The following VPS13C variants were observed in gnomAD, a reference collection of about 807,000 sequenced individuals.
The protein encoded by VPS13C is intermembrane lipid transfer protein VPS13C.
In VPS13C, 358 loss-of-function variants were observed where a neutral mutation model predicts 456.8. The ratio of observed to expected loss-of-function variants is 0.78; its 90% confidence interval spans 0.72 to 0.86. The LOEUF is 0.86. Among genes scored for constraint, VPS13C ranks in the 40% least tolerant of loss-of-function variants. The pLI is 0.00. For missense variants in VPS13C, 4,818 were observed against 4,385.4 expected (o/e 1.10, Z -2.79); for synonymous variants, 1,578 against 1,486.7 (o/e 1.06, Z -1.41).
chr15:62,024,457 T>C (rs948477988), intron 6 of VPS13C, among the ~76,000 whole-genome samples: 1 of 152,080 alleles, frequency 6.6e-6, no homozygotes, highest in Admixed American at 6.6e-5. Flanking sequence ...CATTCTGGCA[T>C]TTACCAATAC....
At chr15:61,861,054 CA>C in intron 82 of VPS13C, among the ~76,000 whole-genome samples, 1 of 150,288 alleles carries the variant, frequency 6.7e-6, no homozygotes, top group Non-Finnish European at 1.5e-5. Flanking sequence ...CTTCGCCTCC[CA>C]GGTTTAAGTG....
chr15:61,884,038 CAT>C (rs1289629491), intron 68 of VPS13C, 88 bp downstream of exon 68: 107 of 1,209,234 alleles, frequency 8.8e-5, no homozygotes, highest in African/African-American at 1.1e-4. Context: ...CATTTCTGCA[CAT>C]GTCTTTACTT....
Position 61,904,907 on chromosome 15 carries a change from C to A in VPS13C, c.9105+2357G>T, listed in dbSNP as rs532425724. On this transcript the variant is annotated intron_variant, in intron 66 of 84. Transcript: ENST00000644861. The stretch of plus-strand genomic sequence containing the variant: ...GAAAGACAAATAGCACATGTTCTCA[C>A]TCATATGTGGGAGCTAAAAAAAAAA... 4.3e-4 allele frequency among the ~76,000 whole-genome samples: 65 copies of A among 151,678 alleles called. 3 individuals carry two copies. In the South Asian group the frequency reaches 0.013, roughly 31 times the overall value.
intron 16 of VPS13C, among the ~76,000 whole-genome samples, chr15:61,992,455 T>G (rs1232918628): frequency 2.0e-5 from 3 of 152,184 alleles, no homozygotes; most frequent in Non-Finnish European, 4.4e-5. Context: ...TAAGTAAATT[T>G]CAATAATTTT....
At chr15:62,006,247 C>T (rs1281292921) in intron 15 of VPS13C, among the ~76,000 whole-genome samples, 1 of 152,042 alleles carries the variant, frequency 6.6e-6, no homozygotes, top group Non-Finnish European at 1.5e-5. Context: ...AATGCTATCC[C>T]TCCCCTCTCC....
chr15:61,913,445 AG>A (rs1245895118), intron 61 of VPS13C, 30 bp from the exon 62 acceptor site: 1 of 1,566,786 alleles, frequency 6.4e-7, no homozygotes, highest in African/African-American at 1.4e-5. Flanking sequence ...TCGTCATATA[AG>A]AAATCTAAAA....
chr15:61,964,595 A>T, intron 31 of VPS13C, 104 bp downstream of exon 31: 1 of 1,109,146 alleles, frequency 9.0e-7, no homozygotes, highest in Non-Finnish European at 1.3e-6. Flanking sequence ...GAAAAGGGGA[A>T]AATGGTATTT....
chr15:61,921,719 A>G (rs2043662336), intron 55 of VPS13C, among the ~76,000 whole-genome samples: 1 of 152,098 alleles, frequency 6.6e-6, no homozygotes, highest in Non-Finnish European at 1.5e-5. Flanking sequence ...TCTGTTCTGC[A>G]TTCAATCTGT....
chr15:61,958,697 T>C lies in VPS13C; in HGVS notation c.4076A>G (p.Asp1359Gly). The change falls in exon 37 of 85, where the codon GAT (aspartate) becomes GGT (glycine). Residue 1359 changes from aspartate (D) to glycine (G), a missense_variant. Around this residue, in one of 3 missense-constraint regions of VPS13C, gnomAD observed 4,552 missense variants for 4,130.6 expected, o/e 1.10. Transcript: ENST00000644861. ...DSMNVSLNQEDLNLLFRILTE... is the reference protein window; with the variant it reads ...DSMNVSLNQEGLNLLFRILTE... ...TAGTATCCTAAATAAAAGATTAAGA[T>C]CTTCTTGATTTAGACTAACCTGTAA... 1.9e-6 allele frequency: 3 copies of C among 1,543,024 alleles called. No homozygotes were observed. The highest frequency in any genetic ancestry group is 2.6e-6 in the Non-Finnish European group (3 of 1,144,940).
intron 27 of VPS13C, among the ~76,000 whole-genome samples, chr15:61,970,500 A>T (rs1431113753): frequency 6.6e-6 from 1 of 152,224 alleles, no homozygotes; most frequent in Non-Finnish European, 1.5e-5. Flanking sequence ...CACTTTAAAA[A>T]TACTTAAAGA....
In VPS13C at chr15:61,911,842, C is replaced by A; in HGVS notation, c.8713G>T (p.Glu2905Ter). 13 of 1,590,816 alleles carry A rather than the reference C, an allele frequency of 8.2e-6. No homozygotes were observed. Among genetic ancestry groups the A allele is most frequent in the Non-Finnish European group, 1.1e-5 (13 of 1,168,758 alleles). Residue 2905 changes from glutamate (E) to a stop codon, truncating the protein, a stop_gained and splice_region_variant, in exon 63 of 85, where the codon GAG (glutamate) becomes TAG (stop). Coordinates refer to ENST00000644861, the MANE Select transcript of VPS13C (RefSeq NM_020821.3). LOFTEE classifies it high-confidence loss of function. ...GTTGTAACAAAGAAAAATGCTACCT[C>A]TGAAGAAGCAATATAGTTCCATTTA... ...TNKWNYIASS[E>*]CLPFWPESLS... is the part of the protein sequence containing the mutation.
intron 8 of VPS13C, 104 bp from the exon 9 acceptor site, chr15:62,020,642 T>G: frequency 9.4e-7 from 1 of 1,068,730 alleles, no homozygotes; most frequent in Non-Finnish European, 1.3e-6. Flanking sequence ...GGTTAAGCCA[T>G]ACAACCCAAA....
chr15:61,993,452 G>C (rs1227235235), intron 16 of VPS13C, among the ~76,000 whole-genome samples: 1 of 152,002 alleles, frequency 6.6e-6, no homozygotes, highest in East Asian at 1.9e-4. Flanking sequence ...AATCAAGATA[G>C]TATGGCGACA....
At chr15:61,880,313 C>G (rs1407234972) in intron 73 of VPS13C, among the ~76,000 whole-genome samples, 2 of 152,018 alleles carry the variant, frequency 1.3e-5, no homozygotes, top group African/African-American at 4.8e-5. Flanking sequence ...AAAGTGCAAC[C>G]AAAACATTAA....
At chr15:61,935,975 T>C (rs1026046601) in intron 48 of VPS13C, among the ~76,000 whole-genome samples, 2 of 152,230 alleles carry the variant, frequency 1.3e-5, no homozygotes, top group African/African-American at 4.8e-5. Context: ...ACAGTCTAAT[T>C]AAACATAATA....
At chr15:62,051,802 T>G (rs1479307567) in intron 1 of VPS13C, among the ~76,000 whole-genome samples, 2 of 152,168 alleles carry the variant, frequency 1.3e-5, no homozygotes, top group African/African-American at 2.4e-5. Context: ...GAAAACGTAG[T>G]GCCACAGGGA....
At chr15:62,014,471 G>C (rs1283522757) in intron 9 of VPS13C, among the ~76,000 whole-genome samples, 1 of 152,100 alleles carries the variant, frequency 6.6e-6, no homozygotes, top group Non-Finnish European at 1.5e-5. Flanking sequence ...GTTAAGAACT[G>C]TTTCAGTGGA....
At chr15:61,928,546 T>C (rs2043945624) in intron 51 of VPS13C, among the ~76,000 whole-genome samples, 1 of 152,114 alleles carries the variant, frequency 6.6e-6, no homozygotes, top group Admixed American at 6.6e-5. Flanking sequence ...AGGTTATACA[T>C]TAGAGAGAAA....
intron 20 of VPS13C, among the ~76,000 whole-genome samples, chr15:61,983,043 T>C (rs985471825): frequency 6.6e-6 from 1 of 152,208 alleles, no homozygotes; most frequent in African/African-American, 2.4e-5. Context: ...TGTTCAACCA[T>C]GTGAATGTAC....
Sources: gnomAD v4.1 joint callset for allele counts (sites outside exome capture counted in the v4.1 genomes callset) on GRCh38, gnomAD v4.1.1 for gene constraint, gnomAD v4.1.1 regional missense constraint, MANE v1.5 for transcripts, NCBI Gene and HGNC (gene_info 2026-07-23, HGNC 2026-07-21) for gene names.